CACNA2D3: variants seen among roughly 807,000 people sequenced by gnomAD.
The protein encoded by CACNA2D3 is calcium voltage-gated channel auxiliary subunit alpha2delta 3.
In CACNA2D3, 60 loss-of-function variants were observed where a neutral mutation model predicts 160.6. The ratio of observed to expected loss-of-function variants is 0.37; its 90% CI spans 0.30 to 0.46. CACNA2D3 has a LOEUF of 0.46. Ranked by LOEUF, CACNA2D3 falls within the 20% of genes least tolerant of loss-of-function variation. The probability of loss-of-function intolerance (pLI) is 1.00; values close to 1 mark genes in which losing one functional copy is unlikely to be tolerated. For synonymous variants in CACNA2D3, 558 were observed against 492.9 expected (o/e 1.13, Z -1.75); for missense variants, 1,205 against 1,365.0 (o/e 0.88, Z 1.85).
chr3:54,804,356 G>C (rs1458510136), intron 13 of CACNA2D3, among the ~76,000 whole-genome samples: 6 of 151,980 alleles, frequency 3.9e-5, no homozygotes, highest in African/African-American at 1.2e-4. Context: ...AAAGGATGGA[G>C]GAAGATCTAC....
In CACNA2D3 at chr3:54,122,707, G is replaced by A; in HGVS notation, c.-7G>A. Reference sequence around the variant, plus strand: ...CGCCGCAGCGGGCGCGTCGGAGGGAGCCCAGCATGGCCGGGCCGGGCTCGC... The same window carrying A: ...CGCCGCAGCGGGCGCGTCGGAGGGAACCCAGCATGGCCGGGCCGGGCTCGC... On this transcript the variant is annotated 5_prime_UTR_variant, in exon 1 of 38. Transcript: ENST00000474759. 8.5e-6 allele frequency: 10 copies of A among 1,174,366 alleles called. No individual in the cohort carries two copies. The highest frequency in any genetic ancestry group is 1.1e-5 in the Non-Finnish European group (10 of 951,526). The allele number at this position is 1,174,366 out of a possible 1,614,324, so 72.7% of individuals were successfully genotyped here.
chr3:54,718,079 CATGAT>C (rs1411534701), intron 11 of CACNA2D3, among the ~76,000 whole-genome samples: 1 of 152,124 alleles, frequency 6.6e-6, no homozygotes, highest in Admixed American at 6.5e-5. Context: ...TAAGAAATCT[CATGAT>C]ATACTTTTTT....
At chr3:54,140,871 G>C (rs1699912495) in intron 2 of CACNA2D3, among the ~76,000 whole-genome samples, 1 of 152,196 alleles carries the variant, frequency 6.6e-6, no homozygotes, top group Non-Finnish European at 1.5e-5. Flanking sequence ...ATGAGTGAGT[G>C]TGGAGAATGA....
At chr3:54,443,002 G>A (rs1700168056) in intron 4 of CACNA2D3, among the ~76,000 whole-genome samples, 1 of 152,178 alleles carries the variant, frequency 6.6e-6, no homozygotes, top group African/African-American at 2.4e-5. Context: ...TGCCTTGTCT[G>A]TAGAAATGGC....
intron 4 of CACNA2D3, among the ~76,000 whole-genome samples, chr3:54,403,356 AACACACAC>A (rs55779518): frequency 0.011 from 1,569 of 137,634 alleles, 10 homozygotes; most frequent in Non-Finnish European, 0.013. Context: ...CCCTATCTCA[AACACACAC>A]ACACACACAC....
intron 9 of CACNA2D3, among the ~76,000 whole-genome samples, chr3:54,624,235 T>TTTTA (rs1396177881): frequency 6.6e-6 from 1 of 152,182 alleles, no homozygotes; most frequent in Non-Finnish European, 1.5e-5. Context: ...TTGATCTAAA[T>TTTTA]GTCCAACTGT....
chr3:54,832,519 A>G (rs1559598855), intron 14 of CACNA2D3, among the ~76,000 whole-genome samples: 1 of 152,220 alleles, frequency 6.6e-6, no homozygotes, highest in Non-Finnish European at 1.5e-5. Context: ...GTATAAAGCA[A>G]TGGAATGAAA....
chr3:54,311,612 G>A (rs757221382), intron 2 of CACNA2D3, among the ~76,000 whole-genome samples: 10 of 152,174 alleles, frequency 6.6e-5, no homozygotes, highest in Non-Finnish European at 1.5e-4. Context: ...GCCCTCCAGA[G>A]GAGGCACACA....
rs530182214 is a variant in CACNA2D3, at chr3:54,937,891, G to T, written c.2450-30559G>T. On this transcript the variant is annotated intron_variant, in intron 27 of 37. Coordinates refer to ENST00000474759, the MANE Select transcript of CACNA2D3 (RefSeq NM_018398.3). ...GTGCTGGAGAAGGGGTGAGAGGCTGGTTGCTGTCCCCGACCTCATCTCCCG... is the reference window on the plus strand; with the variant it reads ...GTGCTGGAGAAGGGGTGAGAGGCTGTTTGCTGTCCCCGACCTCATCTCCCG... Among the ~76,000 whole-genome samples the T allele has an allele frequency of 7.2e-5, 11 of 152,240 alleles. No individual in the cohort carries two copies. The South Asian group carries it at 2.3e-3, about 32-fold the overall frequency.
chr3:54,687,121 C>CTTTTTCTTTTTTTTTT, intron 11 of CACNA2D3, among the ~76,000 whole-genome samples: 1 of 94,932 alleles, frequency 1.1e-5, no homozygotes, highest in Non-Finnish European at 2.1e-5. Context: ...TTTTCTTTTT[C>CTTTTTCTTTTTTTTTT]TTTTTTTTTT....
intron 4 of CACNA2D3, among the ~76,000 whole-genome samples, chr3:54,407,121 G>C (rs1575438651): frequency 6.6e-6 from 1 of 151,974 alleles, no homozygotes; most frequent in African/African-American, 2.4e-5. Flanking sequence ...TTCTCACTGG[G>C]GGTTTTCCTG....
At chr3:54,358,610 G>C (rs750000096) in intron 3 of CACNA2D3, among the ~76,000 whole-genome samples, 4 of 152,236 alleles carry the variant, frequency 2.6e-5, no homozygotes, top group Non-Finnish European at 2.9e-5. Flanking sequence ...GACCTCCTAG[G>C]GGGAGCTGCC....
chr3:55,024,271 G>GTATA (rs1559466759), intron 35 of CACNA2D3, among the ~76,000 whole-genome samples: 1 of 151,194 alleles, frequency 6.6e-6, no homozygotes, highest in African/African-American at 2.4e-5. Flanking sequence ...ATCATGGCTT[G>GTATA]TTATAGGAGT....
intron 2 of CACNA2D3, among the ~76,000 whole-genome samples, chr3:54,279,604 A>T (rs1401926901): frequency 6.6e-6 from 1 of 152,204 alleles, no homozygotes; most frequent in Non-Finnish European, 1.5e-5. Context: ...AGAACTTTCC[A>T]TCTCTGTCCC....
chr3:54,221,515 G>C (rs990244835), intron 2 of CACNA2D3, among the ~76,000 whole-genome samples: 1 of 152,184 alleles, frequency 6.6e-6, no homozygotes, highest in African/African-American at 2.4e-5. Flanking sequence ...ACATCTCTAA[G>C]AGAGTTAATC....
intron 27 of CACNA2D3, among the ~76,000 whole-genome samples, chr3:54,966,551 G>A (rs1221150835): frequency 6.6e-6 from 1 of 152,168 alleles, no homozygotes; most frequent in East Asian, 1.9e-4. Context: ...CAGCCACATG[G>A]CTCACATCTG....
intron 27 of CACNA2D3, among the ~76,000 whole-genome samples, chr3:54,948,076 G>A (rs1467213292): frequency 6.6e-6 from 1 of 152,190 alleles, no homozygotes; most frequent in Admixed American, 6.5e-5. Flanking sequence ...AGATGGTGAT[G>A]TCCAGGTGAA....
intron 35 of CACNA2D3, among the ~76,000 whole-genome samples, chr3:55,066,965 C>T (rs1217933200): frequency 6.6e-6 from 1 of 152,090 alleles, no homozygotes. Flanking sequence ...GCACCCTGGG[C>T]CATAAATACA....
At chr3:54,944,242 A>C (rs1301864403) in intron 27 of CACNA2D3, among the ~76,000 whole-genome samples, 1 of 152,122 alleles carries the variant, frequency 6.6e-6, no homozygotes, top group Non-Finnish European at 1.5e-5. Flanking sequence ...CTTTTGCTTT[A>C]GAAATGCATA....
Sources: gnomAD v4.1 joint callset for allele counts (sites outside exome capture counted in the v4.1 genomes callset) on GRCh38, gnomAD v4.1.1 for gene constraint, MANE v1.5 for transcripts, NCBI Gene and HGNC (gene_info 2026-07-23, HGNC 2026-07-21) for gene names.